The following PGGT1B variants were observed in gnomAD, a reference collection of about 807,000 sequenced individuals.
The protein encoded by PGGT1B is geranylgeranyl transferase type-1 subunit beta.
PGGT1B carries 30 observed loss-of-function variants against 46.1 expected under a neutral mutation model. The ratio of observed to expected loss-of-function variants is 0.65; its 90% CI spans 0.49 to 0.88. The LOEUF (loss-of-function observed/expected upper bound fraction) is 0.88, where lower values mean the gene tolerates loss of function less well. Ranked by LOEUF, PGGT1B falls within the 40% of genes least tolerant of loss-of-function variation. The probability of loss-of-function intolerance (pLI) is 0.00; values close to 1 mark genes in which losing one functional copy is unlikely to be tolerated. For missense variants in PGGT1B, 376 were observed against 455.9 expected, an observed-to-expected ratio of 0.82 and a Z score of 1.60; for synonymous variants, 170 against 160.0, an observed-to-expected ratio of 1.06 and a Z score of -0.47.
chr5:115,241,753 G>C (rs1757352018), intron 2 of PGGT1B, 147 bp from the exon 3 acceptor site: 1 of 521,166 alleles, frequency 1.9e-6, no homozygotes, highest in Non-Finnish European at 3.4e-6. Flanking sequence ...CATGTGCCAG[G>C]TCCATTCTAG....
At chr5:115,219,494 A>G (rs1756522762) in intron 7 of PGGT1B, among the ~76,000 whole-genome samples, 1 of 151,932 alleles carries the variant, frequency 6.6e-6, no homozygotes, top group African/African-American at 2.4e-5. Context: ...CCATAAAATT[A>G]TTAGAAGAAA....
chr5:115,253,417 C>G (rs923277196), intron 1 of PGGT1B, among the ~76,000 whole-genome samples, 162 bp from the exon 2 acceptor site: 3 of 151,894 alleles, frequency 2.0e-5, no homozygotes, highest in Non-Finnish European at 4.4e-5. Context: ...ATTCTTGTAA[C>G]TTAATACTAT....
chr5:115,244,479 A>AAG (rs1747719518), intron 2 of PGGT1B, among the ~76,000 whole-genome samples: 1 of 148,890 alleles, frequency 6.7e-6, no homozygotes, highest in African/African-American at 2.5e-5. Context: ...AAAAAAAAAA[A>AAG]AAAAAAAAAA....
At chr5:115,251,456 G>A (rs1456247615) in intron 2 of PGGT1B, among the ~76,000 whole-genome samples, 1 of 152,062 alleles carries the variant, frequency 6.6e-6, no homozygotes, top group Non-Finnish European at 1.5e-5. Flanking sequence ...GTAGGGGGAA[G>A]TAAACACTTA....
At chr5:115,250,201 C>T (rs1748030213) in intron 2 of PGGT1B, among the ~76,000 whole-genome samples, 1 of 152,046 alleles carries the variant, frequency 6.6e-6, no homozygotes, top group African/African-American at 2.4e-5. Flanking sequence ...TTATAATTCC[C>T]TAGATTTTAT....
At chr5:115,253,676 T>C (rs1247737745) in intron 1 of PGGT1B, among the ~76,000 whole-genome samples, 4 of 152,060 alleles carry the variant, frequency 2.6e-5, no homozygotes, top group Non-Finnish European at 5.9e-5. Context: ...TCTGGAGGAA[T>C]ATGAGAATAA....
intron 5 of PGGT1B, among the ~76,000 whole-genome samples, chr5:115,233,961 A>G (rs1178908630): frequency 6.6e-6 from 1 of 152,022 alleles, no homozygotes; most frequent in Non-Finnish European, 1.5e-5. Flanking sequence ...AGATGTATCT[A>G]TAACAATATA....
chr5:115,205,637 A>T lies in PGGT1B; in HGVS notation c.*6765T>A, dbSNP rs1157378317. 2.6e-5 allele frequency: 4 copies of T among 152,122 alleles called. No individual in the cohort carries two copies. Among genetic ancestry groups the T allele is most frequent in the Non-Finnish European group, 4.4e-5 (3 of 67,976 alleles). The allele number at this position is 152,122 out of a possible 1,614,324, so 9.4% of individuals were successfully genotyped here. A position where few individuals can be genotyped will look rare whatever the true frequency, so the allele number is the denominator to read the frequency against. On this transcript the variant is annotated 3_prime_UTR_variant, in exon 9 of 9. Transcript: ENST00000419445. ...GATTTATAATTCGTAAATGAGTTTG[A>T]GGAACGAAGCCACAAAGGTCTTTTC...
At chr5:115,262,550 G>A (rs1580788007) in intron 1 of PGGT1B, 162 bp downstream of exon 1, 4 of 727,128 alleles carry the variant, frequency 5.5e-6, no homozygotes, top group East Asian at 2.7e-5. Flanking sequence ...CCACCGTACG[G>A]CGGGAGAGTG....
chr5:115,261,585 A>G (rs2127039773), intron 1 of PGGT1B, among the ~76,000 whole-genome samples: 1 of 152,338 alleles, frequency 6.6e-6, no homozygotes, highest in East Asian at 1.9e-4. Context: ...TGGCTACCAG[A>G]TTGGACAGGG....
chr5:115,219,506 C>G (rs1756522991), intron 7 of PGGT1B, among the ~76,000 whole-genome samples: 1 of 151,718 alleles, frequency 6.6e-6, no homozygotes. Context: ...TAGAAGAAAA[C>G]ACTGGGGAAA....
intron 2 of PGGT1B, among the ~76,000 whole-genome samples, chr5:115,243,125 T>C (rs1757398842): frequency 1.3e-5 from 2 of 152,176 alleles, no homozygotes; most frequent in Admixed American, 1.3e-4. Context: ...ATGGTTCTCT[T>C]ATCCTAAGGA....
At chr5:115,241,801 G>C (rs1757353619) in intron 2 of PGGT1B, among the ~76,000 whole-genome samples, 195 bp from the exon 3 acceptor site, 1 of 152,034 alleles carries the variant, frequency 6.6e-6, no homozygotes, top group Admixed American at 6.6e-5. Flanking sequence ...TTCCATATGA[G>C]TCACAAAAAA....
chr5:115,247,177 T>C (rs746122621), intron 2 of PGGT1B, among the ~76,000 whole-genome samples: 2 of 152,176 alleles, frequency 1.3e-5, no homozygotes, highest in Non-Finnish European at 2.9e-5. Flanking sequence ...ATGTCAAGCA[T>C]TGAAAGATAG....
intron 6 of PGGT1B, among the ~76,000 whole-genome samples, chr5:115,223,102 G>C (rs1376058288): frequency 6.6e-6 from 1 of 150,584 alleles, no homozygotes; most frequent in African/African-American, 2.5e-5. Context: ...ATGTACCCTA[G>C]AACTTAAAGT....
intron 2 of PGGT1B, 147 bp from the exon 3 acceptor site, chr5:115,241,753 G>T: frequency 5.8e-6 from 3 of 521,284 alleles, no homozygotes; most frequent in South Asian, 7.0e-5. Context: ...CATGTGCCAG[G>T]TCCATTCTAG....
chr5:115,249,563 G>C (rs1453232942), intron 2 of PGGT1B, among the ~76,000 whole-genome samples: 4 of 152,086 alleles, frequency 2.6e-5, no homozygotes, highest in African/African-American at 9.7e-5. Context: ...ATCAGAATGA[G>C]TCAGGGTGGA....
In PGGT1B at chr5:115,205,982, C is replaced by T. The variant is rs192668836; in HGVS notation, c.*6420G>A. The stretch of plus-strand genomic sequence containing the variant: ...ATTAAAATGGTAAAAAGTGCAATTA[C>T]TTATGCACTGACCTAATATGTTTAT... On this transcript the variant is annotated 3_prime_UTR_variant, in exon 9 of 9. Transcript: ENST00000419445. 7 of 151,920 alleles carry T rather than the reference C, an allele frequency of 4.6e-5. No individual in the cohort carries two copies. The highest frequency in any genetic ancestry group is 1.7e-4 in the African/African-American group (7 of 41,480). The allele number at this position is 151,920 out of a possible 1,614,324, so 9.4% of individuals were successfully genotyped here. A position where few individuals can be genotyped will look rare whatever the true frequency, so the allele number is the denominator to read the frequency against.
intron 8 of PGGT1B, among the ~76,000 whole-genome samples, chr5:115,216,490 A>G (rs188493209): frequency 6.6e-6 from 1 of 152,278 alleles, no homozygotes; most frequent in Non-Finnish European, 1.5e-5. Context: ...CAGGATTGGG[A>G]GTAATTTATT....
Sources: gnomAD v4.1 joint callset for allele counts (sites outside exome capture counted in the v4.1 genomes callset) on GRCh38, gnomAD v4.1.1 for gene constraint, MANE v1.5 for transcripts, NCBI Gene and HGNC (gene_info 2026-07-23, HGNC 2026-07-21) for gene names.